EBF1: variants seen among roughly 807,000 people sequenced by gnomAD.
EBF1 encodes the protein EBF transcription factor 1.
EBF1 carries 10 observed loss-of-function variants against 68.4 expected under a neutral mutation model. The ratio of observed to expected loss-of-function variants is 0.15; its 90% CI spans 0.09 to 0.25. The LOEUF is 0.25. Ranked by LOEUF, EBF1 falls within the 10% of genes least tolerant of loss-of-function variation. The pLI, the probability that EBF1 is intolerant of heterozygous loss-of-function variation, is 1.00. For synonymous variants in EBF1, 298 were observed against 299.8 expected, an observed-to-expected ratio of 0.99 and a Z score of 0.06; for missense variants, 509 against 794.4, an observed-to-expected ratio of 0.64 and a Z score of 4.32.
chr5:158,819,449 G>T (rs577345451), intron 8 of EBF1, among the ~76,000 whole-genome samples: 17 of 152,312 alleles, frequency 1.1e-4, no homozygotes, highest in Non-Finnish European at 1.6e-4. Context: ...TTGCCACAGG[G>T]GGAAGAAACA....
chr5:158,957,252 C>T (rs1251027981), intron 6 of EBF1, among the ~76,000 whole-genome samples: 1 of 152,168 alleles, frequency 6.6e-6, no homozygotes, highest in Non-Finnish European at 1.5e-5. Context: ...TAGATATTTA[C>T]CAGACTTTTC....
chr5:159,049,625 G>A (rs1773132544), intron 6 of EBF1, among the ~76,000 whole-genome samples: 1 of 152,196 alleles, frequency 6.6e-6, no homozygotes, highest in Non-Finnish European at 1.5e-5. Flanking sequence ...TAGATATTTT[G>A]GTTGAGATCC....
At chr5:159,079,618 T>C (rs1779395429) in intron 5 of EBF1, among the ~76,000 whole-genome samples, 1 of 147,910 alleles carries the variant, frequency 6.8e-6, no homozygotes, top group Non-Finnish European at 1.5e-5. Context: ...TTTTTTTTTT[T>C]TTTTTTGAGA....
At chr5:158,791,102 C>T (rs776958543) in intron 9 of EBF1, among the ~76,000 whole-genome samples, 7 of 151,960 alleles carry the variant, frequency 4.6e-5, no homozygotes, top group African/African-American at 1.7e-4. Context: ...GGGCAGATCA[C>T]GATGTCAGGA....
At chr5:158,972,092 CA>C (rs1213395097) in intron 6 of EBF1, among the ~76,000 whole-genome samples, 2 of 152,240 alleles carry the variant, frequency 1.3e-5, no homozygotes, top group Non-Finnish European at 2.9e-5. Flanking sequence ...TCAGCTTACA[CA>C]AAAGCCAAGG....
At chr5:158,980,399 G>C (rs147815416) in intron 6 of EBF1, among the ~76,000 whole-genome samples, 40 of 152,266 alleles carry the variant, frequency 2.6e-4, no homozygotes, top group African/African-American at 8.9e-4. Context: ...CTGCACAAAA[G>C]CTGTGCTTCC....
chr5:158,955,376 G>A (rs576124488), intron 6 of EBF1, among the ~76,000 whole-genome samples: 6 of 152,120 alleles, frequency 3.9e-5, no homozygotes, highest in Admixed American at 2.0e-4. Context: ...TATATTAGAG[G>A]CCTCAGGACT....
intron 6 of EBF1, among the ~76,000 whole-genome samples, chr5:158,932,364 G>T (rs1396315702): frequency 1.3e-5 from 2 of 152,124 alleles, no homozygotes; most frequent in African/African-American, 4.8e-5. Context: ...AACAAGGAGA[G>T]GGCTAAAGAT....
In EBF1 at chr5:158,840,645, G is replaced by GTTTTTTTTTTTT. The variant is rs534374216; in HGVS notation, c.555-547_555-536dup. On this transcript the variant is annotated intron_variant, in intron 6 of 15. Transcript: ENST00000313708. ...TCCTTTGACTTCTCAAATACCTCCTGTTTTTTTTTTTTTTTTTTTTTTTTT... is the reference window on the plus strand; with the variant it reads ...TCCTTTGACTTCTCAAATACCTCCTGTTTTTTTTTTTTTTTTTTTTTTTTTTTTTTTTTTTTT... Among the ~76,000 whole-genome samples, 22 of 64,816 alleles carry GTTTTTTTTTTTT rather than the reference G, an allele frequency of 3.4e-4. 4 individuals are homozygous for GTTTTTTTTTTTT. Among genetic ancestry groups the GTTTTTTTTTTTT allele is most frequent in the Admixed American group, 5.1e-4 (2 of 3,926 alleles). 42.5% of individuals were successfully genotyped at this position (64,816 alleles called of 152,430 possible).
chr5:158,784,083 C>T (rs930015717), intron 9 of EBF1, among the ~76,000 whole-genome samples: 4 of 152,168 alleles, frequency 2.6e-5, no homozygotes, highest in South Asian at 4.1e-4. Flanking sequence ...ACCTTGATAA[C>T]GACTTCAACT....
intron 6 of EBF1, among the ~76,000 whole-genome samples, chr5:158,993,829 T>C (rs1178615520): frequency 6.6e-6 from 1 of 152,180 alleles, no homozygotes; most frequent in African/African-American, 2.4e-5. Context: ...TCTCAGATCA[T>C]GGTCAGACCT....
chr5:159,029,411 C>A lies in EBF1; in HGVS notation c.554+43985G>T, dbSNP rs1378593321. On this transcript the variant is annotated intron_variant, in intron 6 of 15. Transcript: ENST00000313708. The stretch of plus-strand genomic sequence containing the variant: ...AAGGAGTAATTCTTCTGAGATTTAT[C>A]CCAAGGCTTTCAAAGTATTTTCTGC... Among the ~76,000 whole-genome samples, 6 of 152,096 alleles carry A rather than the reference C, an allele frequency of 3.9e-5. No homozygotes were observed. The East Asian group carries it at 1.2e-3, about 29-fold the overall frequency.
chr5:158,699,502 C>T (rs1000507517), intron 15 of EBF1, among the ~76,000 whole-genome samples: 6 of 152,160 alleles, frequency 3.9e-5, no homozygotes, highest in Admixed American at 2.6e-4. Context: ...CTTTGTCACT[C>T]TTTTTTCCCT....
intron 6 of EBF1, among the ~76,000 whole-genome samples, chr5:159,029,145 T>C (rs928943052): frequency 3.3e-5 from 5 of 152,080 alleles, no homozygotes; most frequent in Admixed American, 3.3e-4. Flanking sequence ...ATAAATAAAA[T>C]ATGCACATAT....
chr5:158,865,378 C>A (rs1446592780), intron 6 of EBF1, among the ~76,000 whole-genome samples: 2 of 152,160 alleles, frequency 1.3e-5, no homozygotes, highest in African/African-American at 4.8e-5. Flanking sequence ...GTCACTTAAC[C>A]TTTCTAAGCC....
chr5:158,861,380 C>A (rs555739765), intron 6 of EBF1, among the ~76,000 whole-genome samples: 1 of 139,694 alleles, frequency 7.2e-6, no homozygotes, highest in African/African-American at 2.7e-5. Context: ...TGGAGCCCTG[C>A]CATGAGAACA....
intron 6 of EBF1, among the ~76,000 whole-genome samples, chr5:158,931,923 T>G (rs184296095): frequency 3.9e-4 from 59 of 151,974 alleles, no homozygotes; most frequent in Middle Eastern, 3.4e-3. Flanking sequence ...TTTAAACTTC[T>G]GCTTCTCTTC....
At chr5:158,869,578 AACAC>A (rs3035120) in intron 6 of EBF1, among the ~76,000 whole-genome samples, 26,051 of 145,024 alleles carry the variant, frequency 0.18, 2,435 homozygotes, top group African/African-American at 0.22. Context: ...GATCCTAATA[AACAC>A]ACACACACAC....
intron 4 of EBF1, among the ~76,000 whole-genome samples, chr5:159,087,136 C>T (rs1780780128): frequency 6.6e-6 from 1 of 151,574 alleles, no homozygotes; most frequent in Non-Finnish European, 1.5e-5. Context: ...TCTGTTTCAG[C>T]TTTAATATTT....
Sources: gnomAD v4.1 joint callset for allele counts (sites outside exome capture counted in the v4.1 genomes callset) on GRCh38, gnomAD v4.1.1 for gene constraint, MANE v1.5 for transcripts, NCBI Gene and HGNC (gene_info 2026-07-23, HGNC 2026-07-21) for gene names.